Variants in ZNF516 observed in about 807,000 individuals in gnomAD.
ZNF516 encodes zinc finger protein 516.
In ZNF516, 19 loss-of-function variants were observed where a neutral mutation model predicts 79.7. The ratio of observed to expected loss-of-function variants is 0.24; its 90% confidence interval spans 0.17 to 0.35. The LOEUF (loss-of-function observed/expected upper bound fraction) is 0.35, where lower values mean the gene tolerates loss of function less well. ZNF516 is among the 10% of genes least tolerant of loss of function. ZNF516 has a pLI of 1.00. For synonymous variants in ZNF516, 877 were observed against 739.5 expected (o/e 1.19, Z -3.02); for missense variants, 1,678 against 1,679.5 (o/e 1.00, Z 0.02).
intron 2 of ZNF516, among the ~76,000 whole-genome samples, chr18:76,450,627 T>A (rs1338836585): frequency 6.6e-6 from 1 of 152,142 alleles, no homozygotes; most frequent in Non-Finnish European, 1.5e-5. Flanking sequence ...CAGCCAAAAT[T>A]CAGTGTATTC....
chr18:76,378,552 C>G (rs1462160189), intron 4 of ZNF516, among the ~76,000 whole-genome samples: 1 of 152,238 alleles, frequency 6.6e-6, no homozygotes, highest in African/African-American at 2.4e-5. Flanking sequence ...GAGGAAACGT[C>G]CTCTCAGCAG....
rs1439515678 is a variant in ZNF516, at chr18:76,493,737, A to C, written c.-272+1407T>G. On this transcript the variant is annotated intron_variant, in intron 1 of 6. Coordinates refer to ENST00000443185, the MANE Select transcript of ZNF516 (RefSeq NM_014643.4). The surrounding 1 kb of genome is among the most constrained non-coding windows in gnomAD (Gnocchi z 5.2). ...CCCTGCAATGATTTCAAAGACATTA[A>C]ATCTTTTCCACTTTATAAATGCTGA... 1 of 152,248 alleles carries C rather than the reference A, an allele frequency of 6.6e-6. No individual in the cohort carries two copies. Among genetic ancestry groups the C allele is most frequent in the African/African-American group, 2.4e-5 (1 of 41,454 alleles). The allele number at this position is 152,248 out of a possible 1,614,324, so 9.4% of individuals were successfully genotyped here.
rs771430450 is a variant in ZNF516, at chr18:76,442,503, C to G, written c.552G>C (p.Glu184Asp). The G allele has an allele frequency of 3.1e-6, 5 of 1,601,738 alleles. No homozygotes were observed. In the African/African-American group the frequency reaches 5.3e-5, roughly 17 times the overall value. Residue 184 changes from glutamate to aspartate, a missense_variant, in exon 3 of 7, where the codon GAG becomes GAC. Coordinates refer to ENST00000443185, the MANE Select transcript of ZNF516 (RefSeq NM_014643.4). The stretch of plus-strand genomic sequence containing the variant: ...CGTGCAGCTCCAGGTCCTTCTTACG[C>G]TCGAACTGGCTCTTGCAGAAGGAGC... ...VQCSFCKSQF[E>D]RKKDLELHVH...
chr18:76,375,198 A>C (rs2074767070), intron 4 of ZNF516, among the ~76,000 whole-genome samples: 2 of 152,204 alleles, frequency 1.3e-5, no homozygotes, highest in Admixed American at 1.3e-4. Context: ...CCTTCTGGCT[A>C]CAACACTTTA....
In ZNF516 at chr18:76,441,833, C is replaced by T; in HGVS notation, c.1222G>A (p.Ala408Thr). ...TAGCTGTTGACCGGGTCCAGCTCAG[C>T]CACCCGCCGTCCGGCCTGCGTGCCA... ...CPGTQAGRRV[A>T]ELDPVNSYQA... is the part of the protein sequence containing the mutation. The change falls in exon 3 of 7, where the codon GCT becomes ACT. Residue 408 changes from alanine to threonine, a missense_variant. Around this residue, in one of 5 missense-constraint regions of ZNF516, gnomAD observed 1,294 missense variants for 1,248.3 expected, o/e 1.04. Coordinates refer to ENST00000443185, the MANE Select transcript of ZNF516 (RefSeq NM_014643.4). 6.4e-7 allele frequency: 1 copy of T among 1,567,468 alleles called. No individual in the cohort carries two copies. Among genetic ancestry groups the T allele is most frequent in the Non-Finnish European group, 8.6e-7 (1 of 1,163,674 alleles).
chr18:76,379,402 G>A lies in ZNF516; in HGVS notation c.2712C>T (p.Pro904=). Residue 904 remains proline, a synonymous_variant, in exon 4 of 7, where the codon CCC becomes CCT. Coordinates refer to ENST00000443185, the MANE Select transcript of ZNF516 (RefSeq NM_014643.4). ...TAGCCTCCTGCCTGGGCTTGGCCAG[G>A]GGCCCCTGTGTGGCCGCGCCATGTG... is the stretch of plus-strand genomic sequence containing the variant. The part of the protein sequence containing the change: ...QEPHGAATQG[P]LAKPRQEASS... 6.2e-7 allele frequency: 1 copy of A among 1,605,260 alleles called. No individual in the cohort carries two copies. Among genetic ancestry groups the A allele is most frequent in the African/African-American group, 1.3e-5 (1 of 74,730 alleles).
intron 3 of ZNF516, among the ~76,000 whole-genome samples, chr18:76,410,070 G>C (rs2075356179): frequency 6.6e-6 from 1 of 152,154 alleles, no homozygotes; most frequent in South Asian, 2.1e-4. Context: ...CCATCATTGT[G>C]AGGCCTCCCC....
At chr18:76,425,808 G>A (rs1310844098) in intron 3 of ZNF516, among the ~76,000 whole-genome samples, 1 of 152,150 alleles carries the variant, frequency 6.6e-6, no homozygotes, top group East Asian at 1.9e-4. Context: ...CAACCCACGA[G>A]GGGTCGAGGT....
chr18:76,410,830 G>C, intron 3 of ZNF516, among the ~76,000 whole-genome samples: 1 of 152,216 alleles, frequency 6.6e-6, no homozygotes, highest in East Asian at 1.9e-4. Context: ...GCAATCTCCC[G>C]GGGGAGTTTT....
At chr18:76,398,390 G>A (rs1214844986) in intron 3 of ZNF516, among the ~76,000 whole-genome samples, 1 of 152,172 alleles carries the variant, frequency 6.6e-6, no homozygotes, top group South Asian at 2.1e-4. Flanking sequence ...ATCCAAGTTG[G>A]CAAAAAATAA....
At chr18:76,425,943 C>CT (rs564676314) in intron 3 of ZNF516, among the ~76,000 whole-genome samples, 20 of 152,380 alleles carry the variant, frequency 1.3e-4, no homozygotes, top group Non-Finnish European at 2.5e-4. Context: ...CCCAGCGCTG[C>CT]TCTTCGCGGC....
Position 76,442,546 on chromosome 18 carries a change from G to T in ZNF516, c.509C>A (p.Ala170Asp). Residue 170 changes from alanine (A) to aspartate (D), a missense_variant, in exon 3 of 7, where the codon GCC becomes GAC. Ala to Asp is a moderately radical substitution (Grantham distance 126). Coordinates refer to ENST00000443185, the MANE Select transcript of ZNF516 (RefSeq NM_014643.4). ...AEGSACAPGE[A>D]KAAVQCSFCK... ...GAAGGAGCACTGGACCGCTGCCTTGGCCTCCCCCGGGGCGCATGCGGACCC... is the reference window on the plus strand; with the variant it reads ...GAAGGAGCACTGGACCGCTGCCTTGTCCTCCCCCGGGGCGCATGCGGACCC... 1 of 1,599,320 alleles carries T rather than the reference G, an allele frequency of 6.3e-7. No homozygotes were observed.
At chr18:76,372,122 AC>A (rs2074718536) in intron 4 of ZNF516, among the ~76,000 whole-genome samples, 1 of 152,070 alleles carries the variant, frequency 6.6e-6, no homozygotes, top group Non-Finnish European at 1.5e-5. Flanking sequence ...GACACCTACA[AC>A]CACCAGGCAG....
chr18:76,406,890 C>T (rs1035026214), intron 3 of ZNF516, among the ~76,000 whole-genome samples: 2 of 152,152 alleles, frequency 1.3e-5, no homozygotes, highest in Non-Finnish European at 2.9e-5. Context: ...AGACAGCAGC[C>T]GAGTGGCCGC....
At chr18:76,455,584 C>G (rs9954310) in intron 2 of ZNF516, among the ~76,000 whole-genome samples, 5,070 of 152,280 alleles carry the variant, frequency 0.033, 142 homozygotes, top group African/African-American at 0.069. Flanking sequence ...AGGAGAAGCC[C>G]CTGGCAGCCC....
In ZNF516 at chr18:76,358,358, A is replaced by T. The variant is rs555622563; in HGVS notation, c.*4140T>A. ...TAAAGAGTACAAAATATAATGTTAT[A>T]AATTGTATTTTAAAAAAAGAAATAC... is the stretch of plus-strand genomic sequence containing the variant. On this transcript the variant is annotated 3_prime_UTR_variant, in exon 7 of 7. Coordinates refer to ENST00000443185, the MANE Select transcript of ZNF516 (RefSeq NM_014643.4). 5.8e-4 allele frequency: 88 copies of T among 152,364 alleles called. No individual in the cohort carries two copies. Among genetic ancestry groups the T allele is most frequent in the African/African-American group, 2.0e-3 (83 of 41,590 alleles). The allele number at this position is 152,364 out of a possible 1,614,324, so 9.4% of individuals were successfully genotyped here. A position where few individuals can be genotyped will look rare whatever the true frequency, so the allele number is the denominator to read the frequency against.
chr18:76,377,859 G>T (rs1368784471), intron 4 of ZNF516, among the ~76,000 whole-genome samples: 5 of 152,128 alleles, frequency 3.3e-5, no homozygotes, highest in Admixed American at 3.3e-4. Flanking sequence ...GGGATTACAG[G>T]TGCACCCCAC....
At chr18:76,400,370 G>C (rs2145208342) in intron 3 of ZNF516, among the ~76,000 whole-genome samples, 1 of 152,322 alleles carries the variant, frequency 6.6e-6, no homozygotes, top group South Asian at 2.1e-4. Context: ...TGGTAAGACG[G>C]ACTGAATAAT....
At chr18:76,455,456 G>T (rs766607453) in intron 2 of ZNF516, among the ~76,000 whole-genome samples, 1 of 152,180 alleles carries the variant, frequency 6.6e-6, no homozygotes, top group Non-Finnish European at 1.5e-5. Context: ...GGGACAGATG[G>T]AGGCTGGAAA....
Sources: gnomAD v4.1 joint callset for allele counts (sites outside exome capture counted in the v4.1 genomes callset) on GRCh38, gnomAD v4.1.1 for gene constraint, gnomAD v4.1.1 regional missense constraint, Gnocchi (gnomAD v3.1) non-coding constraint, MANE v1.5 for transcripts, NCBI Gene and HGNC (gene_info 2026-07-23, HGNC 2026-07-21) for gene names.